TBL1XR1: variants seen among roughly 807,000 people sequenced by gnomAD.
The protein encoded by TBL1XR1 is F-box-like/WD repeat-containing protein TBL1XR1.
Under a neutral mutation model 66.9 loss-of-function variants are expected in TBL1XR1, and 5 were observed. That is an observed-to-expected ratio of 0.07 (90% CI 0.04 to 0.16). The LOEUF (loss-of-function observed/expected upper bound fraction) is 0.16. Ranked by LOEUF, TBL1XR1 falls within the 10% of genes least tolerant of loss-of-function variation. The probability of loss-of-function intolerance (pLI) is 1.00; values close to 1 mark genes in which losing one functional copy is unlikely to be tolerated. For synonymous variants in TBL1XR1, 210 were observed against 206.0 expected, an observed-to-expected ratio of 1.02 and a Z score of -0.17; for missense variants, 238 against 623.2, an observed-to-expected ratio of 0.38 and a Z score of 6.58.
intron 1 of TBL1XR1, among the ~76,000 whole-genome samples, chr3:177,160,550 C>T (rs907505702): frequency 6.6e-6 from 1 of 151,868 alleles, no homozygotes; most frequent in African/African-American, 2.4e-5. Context: ...TTCACTGAGT[C>T]CATAGTTCCC....
chr3:177,134,975 G>GTGTGTGTGTGTC (rs1444156762), intron 1 of TBL1XR1, among the ~76,000 whole-genome samples: 1 of 150,302 alleles, frequency 6.7e-6, no homozygotes, highest in African/African-American at 2.5e-5. Context: ...GTCTGTGTGT[G>GTGTGTGTGTGTC]TGTCTGTGTG....
intron 10 of TBL1XR1, among the ~76,000 whole-genome samples, chr3:177,043,590 TG>T (rs1278035075): frequency 2.0e-5 from 3 of 152,176 alleles, no homozygotes; most frequent in African/African-American, 7.2e-5. Flanking sequence ...TTGATATTTT[TG>T]TATTTGAAGT....
At chr3:177,143,508 G>T (rs1463605672) in intron 1 of TBL1XR1, among the ~76,000 whole-genome samples, 1 of 152,138 alleles carries the variant, frequency 6.6e-6, no homozygotes, top group Non-Finnish European at 1.5e-5. Flanking sequence ...GGGGCAGGGG[G>T]ATATTTATTC....
chr3:177,152,853 C>T (rs1731056052), intron 1 of TBL1XR1, among the ~76,000 whole-genome samples: 1 of 152,132 alleles, frequency 6.6e-6, no homozygotes, highest in African/African-American at 2.4e-5. Flanking sequence ...CTGCTTAGAT[C>T]TTCGCAATTC....
chr3:177,054,007 A>G, intron 3 of TBL1XR1, 89 bp from the exon 4 acceptor site: 7 of 1,386,906 alleles, frequency 5.0e-6, no homozygotes, highest in Non-Finnish European at 6.9e-6. Flanking sequence ...TCATCTTTTC[A>G]AATCCCATCC....
intron 10 of TBL1XR1, among the ~76,000 whole-genome samples, chr3:177,039,224 A>C (rs1375128825): frequency 6.6e-6 from 1 of 152,188 alleles, no homozygotes; most frequent in East Asian, 1.9e-4. Context: ...AAAAATAAAA[A>C]ATGCAACACA....
upstream of TBL1XR1, chr3:177,201,611 A>G (rs1363219120): frequency 6.6e-6 from 1 of 152,184 alleles, no homozygotes; most frequent in East Asian, 1.9e-4. Context: ...AATCATCATG[A>G]TGTTTTAAAT....
chr3:177,081,567 T>A (rs1029182643), intron 2 of TBL1XR1, among the ~76,000 whole-genome samples: 1 of 151,868 alleles, frequency 6.6e-6, no homozygotes, highest in Admixed American at 6.6e-5. Flanking sequence ...CTGGGCAACA[T>A]AACAAGACCT....
intron 10 of TBL1XR1, among the ~76,000 whole-genome samples, chr3:177,043,195 C>T (rs1715840197): frequency 3.3e-5 from 5 of 152,244 alleles, no homozygotes; most frequent in Middle Eastern, 6.8e-3. Context: ...ATCTTCAAAT[C>T]GTTTATAGCC....
In TBL1XR1 at chr3:177,064,626, A is replaced by T. The variant is rs185267299; in HGVS notation, c.58+294T>A. ...ACATTATCAAACTGATGGTGGCTAAAAGTTTTTATGTTCCTACTACATATG... is the reference window on the plus strand; with the variant it reads ...ACATTATCAAACTGATGGTGGCTAATAGTTTTTATGTTCCTACTACATATG... On this transcript the variant is annotated intron_variant, in intron 3 of 15. Transcript: ENST00000457928. Among the ~76,000 whole-genome samples the T allele has an allele frequency of 1.8e-4, 27 of 152,340 alleles. No homozygotes were observed. In the East Asian group the frequency reaches 2.9e-3, roughly 16 times the overall value.
At chr3:177,128,891 T>C (rs993133174) in intron 1 of TBL1XR1, among the ~76,000 whole-genome samples, 1 of 152,212 alleles carries the variant, frequency 6.6e-6, no homozygotes, top group Non-Finnish European at 1.5e-5. Context: ...TCACAGCCAC[T>C]TTCCTCATTT....
In TBL1XR1 at chr3:177,023,493, A is replaced by C. The variant is rs1381040874; in HGVS notation, c.*2005T>G. ...CTCTAATGTGATCCAAAACCCTAAA[A>C]AGAGCTGGCACAAAACCATCGTGAA... On this transcript the variant is annotated 3_prime_UTR_variant, in exon 16 of 16. Coordinates refer to ENST00000457928, the MANE Select transcript of TBL1XR1 (RefSeq NM_024665.7). 6.6e-6 allele frequency: 1 copy of C among 152,542 alleles called. No homozygotes were observed. Among genetic ancestry groups the C allele is most frequent in the Non-Finnish European group, 1.5e-5 (1 of 67,952 alleles). The allele number at this position is 152,542 out of a possible 1,614,324, so 9.4% of individuals were successfully genotyped here.
intron 2 of TBL1XR1, chr3:177,091,264 C>T (rs547239156): frequency 2.5e-4 from 38 of 151,838 alleles, no homozygotes; most frequent in African/African-American, 7.5e-4. Context: ...TATAAAAATA[C>T]GTATAATTTT....
upstream of TBL1XR1, among the ~76,000 whole-genome samples, chr3:177,198,569 A>T (rs984807884): frequency 3.3e-5 from 5 of 152,192 alleles, no homozygotes; most frequent in African/African-American, 1.2e-4. Context: ...CACAGGTTTT[A>T]AAGCAAATGG....
rs971660901 is a variant in TBL1XR1, at chr3:177,162,204, A to G, written c.-122+34917T>C. On this transcript the variant is annotated intron_variant, in intron 1 of 15. Transcript: ENST00000457928. Reference sequence around the variant, plus strand: ...CATATCTGTCCAAAGAGTAAAATAGATAGTAGTATTACACTTATGCGTGTG... The same window carrying G: ...CATATCTGTCCAAAGAGTAAAATAGGTAGTAGTATTACACTTATGCGTGTG... Among the ~76,000 whole-genome samples, 7 of 152,230 alleles carry G rather than the reference A, an allele frequency of 4.6e-5. No homozygotes were observed. In the East Asian group the frequency reaches 7.7e-4, roughly 17 times the overall value.
At chr3:177,055,403 G>A (rs1005184627) in intron 3 of TBL1XR1, among the ~76,000 whole-genome samples, 2 of 152,074 alleles carry the variant, frequency 1.3e-5, no homozygotes, top group African/African-American at 4.8e-5. Context: ...CTAACCCACA[G>A]TGGAAAAGGC....
intron 10 of TBL1XR1, among the ~76,000 whole-genome samples, chr3:177,038,849 C>T (rs1467029531): frequency 1.3e-5 from 2 of 152,190 alleles, no homozygotes; most frequent in Non-Finnish European, 2.9e-5. Flanking sequence ...ACAAGCAAGT[C>T]ACTTAACCTC....
chr3:177,077,486 G>A (rs1322704318), intron 2 of TBL1XR1, among the ~76,000 whole-genome samples: 1 of 152,092 alleles, frequency 6.6e-6, no homozygotes, highest in Non-Finnish European at 1.5e-5. Context: ...AAATCTACAC[G>A]TTCTAAAATG....
At chr3:177,184,099 T>C (rs1735137824) in intron 1 of TBL1XR1, among the ~76,000 whole-genome samples, 1 of 152,122 alleles carries the variant, frequency 6.6e-6, no homozygotes, top group African/African-American at 2.4e-5. Flanking sequence ...TTGCTCCAGT[T>C]GAAGTTGAAA....
Sources: gnomAD v4.1 joint callset for allele counts (sites outside exome capture counted in the v4.1 genomes callset) on GRCh38, gnomAD v4.1.1 for gene constraint, MANE v1.5 for transcripts, NCBI Gene and HGNC (gene_info 2026-07-23, HGNC 2026-07-21) for gene names.